Variants in DEFB119 observed in about 807,000 individuals in gnomAD.
The protein encoded by DEFB119 is beta-defensin 119.
In DEFB119, 3 loss-of-function variants were observed where a neutral mutation model predicts 2.5. That is an observed-to-expected ratio of 1.19 (90% confidence interval 0.54 to 3.07). The LOEUF is 3.07. DEFB119 is among the 30% of genes most tolerant of loss of function. DEFB119 has a pLI of 0.03. For synonymous variants in DEFB119, 29 were observed against 33.7 expected, an observed-to-expected ratio of 0.86 and a Z score of 0.48; for missense variants, 113 against 101.1, an observed-to-expected ratio of 1.12 and a Z score of -0.50.
In DEFB119 at chr20:31,377,350, T is replaced by A. The variant is rs1986336760; in HGVS notation, c.151A>T (p.Asn51Tyr). The A allele has an allele frequency of 1.9e-6, 3 of 1,614,198 alleles. No homozygotes were observed. Among genetic ancestry groups the A allele is most frequent in the Non-Finnish European group, 2.5e-6 (3 of 1,180,030 alleles). ...KNEQPYLYCR[N>Y]CQSCCLQSYM... ...GACTGGAGGCAGCAGGACTGACAAT[T>A]TCTGCAATAGAGGTAGGGCTGTTCG... Residue 51 changes from asparagine (N) to tyrosine (Y), a missense_variant, in exon 2 of 2, where the codon AAT (asparagine) becomes TAT (tyrosine). Coordinates refer to ENST00000376321, the MANE Select transcript of DEFB119 (RefSeq NM_153289.4).
intron 1 of DEFB119, chr20:31,388,273 C>T (rs1986787610): frequency 1.0e-6 from 1 of 985,572 alleles, no homozygotes. Context: ...TTTCATAAAT[C>T]CTTGAATAAA....
rs1986897558 is a variant in DEFB119, at chr20:31,390,549, A to C, written c.-66T>G. On this transcript the variant is annotated 5_prime_UTR_variant, in exon 1 of 2. Coordinates refer to ENST00000376321, the MANE Select transcript of DEFB119 (RefSeq NM_153289.4). ...GGAAGGAAATAGGGTTCCCTGCAGC[A>C]CGGCAGAGATGAGCTTTGCTTTTAT... 1.3e-6 allele frequency: 2 copies of C among 1,492,942 alleles called. No homozygotes were observed. Among genetic ancestry groups the C allele is most frequent in the South Asian group, 1.1e-5 (1 of 87,456 alleles). 92.5% of individuals were successfully genotyped at this position (1,492,942 alleles called of 1,614,324 possible). A position where few individuals can be genotyped will look rare whatever the true frequency, so the allele number is the denominator to read the frequency against.
chr20:31,382,810 A>G (rs938327049), intron 1 of DEFB119, among the ~76,000 whole-genome samples: 2 of 152,246 alleles, frequency 1.3e-5, no homozygotes, highest in Non-Finnish European at 2.9e-5. Flanking sequence ...TAAATAAAAC[A>G]TCATCTCAGC....
At chr20:31,382,633 C>G (rs146895525) in intron 1 of DEFB119, among the ~76,000 whole-genome samples, 99 of 152,356 alleles carry the variant, frequency 6.5e-4, no homozygotes, top group African/African-American at 1.9e-3. Flanking sequence ...CTGCTCCCTC[C>G]AGCCCAGAAG....
intron 1 of DEFB119, chr20:31,388,884 G>C (rs991295383): frequency 6.9e-7 from 1 of 1,452,008 alleles, no homozygotes; most frequent in East Asian, 2.5e-5. Context: ...GACTTCTCTC[G>C]ACTAGCTCTT....
In DEFB119 at chr20:31,377,393, C is replaced by T. The variant is rs144077858; in HGVS notation, c.108G>A (p.Arg36=). 486 of 1,613,632 alleles carry T rather than the reference C, an allele frequency of 3.0e-4. 3 individuals carry two copies. The African/African-American group carries it at 5.8e-3, about 19-fold the overall frequency. The change falls in exon 2 of 2, where the codon AGG becomes AGA. Residue 36 remains arginine (R), a synonymous_variant. Coordinates refer to ENST00000376321, the MANE Select transcript of DEFB119 (RefSeq NM_153289.4). ...GCTGTTCGTTCTTTTTGCAAGAGGC[C>T]CTACAAATTCCACTGTTACCCATGC... ...LRCMGNSGIC[R]ASCKKNEQPY...
chr20:31,387,898 C>T (rs1986772229), intron 1 of DEFB119, among the ~76,000 whole-genome samples: 1 of 152,122 alleles, frequency 6.6e-6, no homozygotes, highest in Non-Finnish European at 1.5e-5. Context: ...GAGGAGGGGC[C>T]CCTCTTTCCA....
At chr20:31,382,869 A>G (rs1986551489) in intron 1 of DEFB119, among the ~76,000 whole-genome samples, 1 of 152,252 alleles carries the variant, frequency 6.6e-6, no homozygotes, top group Non-Finnish European at 1.5e-5. Flanking sequence ...ATTGATGGAA[A>G]GGGGACAATA....
chr20:31,388,232 T>A, intron 1 of DEFB119: 10 of 985,172 alleles, frequency 1.0e-5, no homozygotes, highest in Non-Finnish European at 1.2e-5. Context: ...TCCCTCAGAC[T>A]CTAACACAGT....
At chr20:31,378,046 G>A (rs1986365231) in intron 1 of DEFB119, among the ~76,000 whole-genome samples, 1 of 152,154 alleles carries the variant, frequency 6.6e-6, no homozygotes, top group African/African-American at 2.4e-5. Flanking sequence ...ACCCAAGTGG[G>A]GAGCGGGGAC....
In DEFB119 at chr20:31,389,275, C is replaced by T. The variant is rs371268613; in HGVS notation, c.61+1148G>A. ...CAATTAAGCAGATGTTAGTATCCCTCAAGCGGAGAGAAAAGACAAGGCAGA... is the reference window on the plus strand; with the variant it reads ...CAATTAAGCAGATGTTAGTATCCCTTAAGCGGAGAGAAAAGACAAGGCAGA... On this transcript the variant is annotated intron_variant, in intron 1 of 1. Transcript: ENST00000376321. The T allele has an allele frequency of 9.9e-6, 16 of 1,611,050 alleles. No individual in the cohort carries two copies. The Admixed American group carries it at 1.3e-4, about 13-fold the overall frequency.
At chr20:31,380,740 A>G (rs1029756055) in intron 1 of DEFB119, among the ~76,000 whole-genome samples, 4 of 151,956 alleles carry the variant, frequency 2.6e-5, no homozygotes, top group African/African-American at 9.7e-5. Flanking sequence ...CTGTACTTCT[A>G]TGAGGCTATT....
At chr20:31,383,218 T>C (rs1401777051) in intron 1 of DEFB119, among the ~76,000 whole-genome samples, 1 of 152,198 alleles carries the variant, frequency 6.6e-6, no homozygotes, top group Admixed American at 6.5e-5. Flanking sequence ...GAGTAGGTTT[T>C]TCCTGTGCTG....
At chr20:31,386,787 ATTTTCTTTTTCT>A (rs1362497308) in intron 1 of DEFB119, among the ~76,000 whole-genome samples, 1 of 115,592 alleles carries the variant, frequency 8.7e-6, no homozygotes, top group East Asian at 2.4e-4. Context: ...TTTATTGCGT[ATTTTCTTTTTCT>A]TTTTCTTTTT....
chr20:31,387,643 G>A (rs137914229), intron 1 of DEFB119, among the ~76,000 whole-genome samples: 322 of 152,248 alleles, frequency 2.1e-3, no homozygotes, highest in African/African-American at 7.0e-3. Context: ...GCAAACAAGA[G>A]CATCCCTTGA....
At position 31,377,277 on chromosome 20, in the gene DEFB119, G is replaced by A; in HGVS notation, c.224C>T (p.Ser75Phe). ...TAGTCTTGGCCACTGCTTCTCATAA[G>A]ACCAGTCGGTATTTTCCTCTTTGCC... ...ISGKEENTDW[S>F]YEKQWPRLP Residue 75 changes from serine (S) to phenylalanine (F), a missense_variant, in exon 2 of 2, where the codon TCT becomes TTT. Transcript: ENST00000376321. The A allele has an allele frequency of 6.2e-7, 1 of 1,613,886 alleles. No individual in the cohort carries two copies. The highest frequency in any genetic ancestry group is 8.5e-7 in the Non-Finnish European group (1 of 1,179,920).
At chr20:31,383,170 T>A (rs1201945402) in intron 1 of DEFB119, among the ~76,000 whole-genome samples, 2 of 152,196 alleles carry the variant, frequency 1.3e-5, no homozygotes, top group African/African-American at 4.8e-5. Flanking sequence ...TCCCCACATA[T>A]CATGGGAGGG....
chr20:31,382,523 A>G (rs1270581434), intron 1 of DEFB119, among the ~76,000 whole-genome samples: 1 of 152,222 alleles, frequency 6.6e-6, no homozygotes, highest in Non-Finnish European at 1.5e-5. Context: ...GTTAATTATT[A>G]TTGTTGTTTT....
chr20:31,384,306 C>A (rs758723578), intron 1 of DEFB119, among the ~76,000 whole-genome samples: 3 of 151,982 alleles, frequency 2.0e-5, no homozygotes, highest in Non-Finnish European at 4.4e-5. Context: ...TTATGTAATA[C>A]AAAGAAGAGA....
Sources: gnomAD v4.1 joint callset for allele counts (sites outside exome capture counted in the v4.1 genomes callset) on GRCh38, gnomAD v4.1.1 for gene constraint, MANE v1.5 for transcripts, NCBI Gene and HGNC (gene_info 2026-07-23, HGNC 2026-07-21) for gene names.